SLAMF6: variants seen among roughly 807,000 people sequenced by gnomAD.
SLAMF6 encodes the protein SLAM family member 6.
SLAMF6 carries 21 observed loss-of-function variants against 38.3 expected under a neutral mutation model. The ratio of observed to expected loss-of-function variants is 0.55; its 90% CI spans 0.39 to 0.79. SLAMF6 has a LOEUF of 0.79. SLAMF6 is among the 30% of genes least tolerant of loss of function. The pLI, the probability that SLAMF6 is intolerant of heterozygous loss-of-function variation, is 0.00. For missense variants in SLAMF6, 341 were observed against 385.3 expected (o/e 0.89, Z 0.96); for synonymous variants, 152 against 146.3 (o/e 1.04, Z -0.28).
intron 2 of SLAMF6, among the ~76,000 whole-genome samples, chr1:160,495,481 A>T (rs1557937569): frequency 6.6e-6 from 1 of 152,228 alleles, no homozygotes; most frequent in Non-Finnish European, 1.5e-5. Context: ...AAATATTGTT[A>T]AAAATTAAAT....
chr1:160,493,287 G>T (rs114798235), intron 2 of SLAMF6, among the ~76,000 whole-genome samples: 1 of 151,970 alleles, frequency 6.6e-6, no homozygotes, highest in Non-Finnish European at 1.5e-5. Context: ...AGTTATCTGC[G>T]TGGCACACTT....
chr1:160,523,013 C>A, intron 1 of SLAMF6, 131 bp downstream of exon 1: 1 of 895,108 alleles, frequency 1.1e-6, no homozygotes, highest in Non-Finnish European at 1.8e-6. Context: ...GGTAACACTG[C>A]CAGCGTCCCC....
chr1:160,503,420 T>C (rs551669530), intron 1 of SLAMF6, among the ~76,000 whole-genome samples: 2 of 151,926 alleles, frequency 1.3e-5, no homozygotes, highest in East Asian at 1.9e-4. Flanking sequence ...TTACCTTCAA[T>C]GGGAAAATCC....
At chr1:160,520,126 A>C (rs1654919110) in intron 1 of SLAMF6, among the ~76,000 whole-genome samples, 1 of 152,090 alleles carries the variant, frequency 6.6e-6, no homozygotes, top group African/African-American at 2.4e-5. Flanking sequence ...GAGCACAATA[A>C]ACATTTGAAA....
At chr1:160,493,646 T>C (rs939543298) in intron 2 of SLAMF6, among the ~76,000 whole-genome samples, 4 of 152,214 alleles carry the variant, frequency 2.6e-5, no homozygotes, top group African/African-American at 9.6e-5. Context: ...AAACCTATCA[T>C]GGCTTCAAGA....
At chr1:160,497,547 T>A (rs1324316143) in intron 1 of SLAMF6, among the ~76,000 whole-genome samples, 2 of 152,200 alleles carry the variant, frequency 1.3e-5, no homozygotes, top group Non-Finnish European at 2.9e-5. Context: ...TGGGGGTACA[T>A]GTGCAGATTT....
At chr1:160,511,769 C>G (rs550643184) in intron 1 of SLAMF6, among the ~76,000 whole-genome samples, 2 of 152,054 alleles carry the variant, frequency 1.3e-5, no homozygotes, top group African/African-American at 2.4e-5. Context: ...CTGAGAAGAA[C>G]GAAAACAGTG....
At chr1:160,518,619 C>T (rs1021303749) in intron 1 of SLAMF6, among the ~76,000 whole-genome samples, 2 of 152,076 alleles carry the variant, frequency 1.3e-5, no homozygotes, top group African/African-American at 2.4e-5. Context: ...ATGTCCTTTG[C>T]AGGGACATGG....
At chr1:160,497,949 A>G (rs1322555857) in intron 1 of SLAMF6, among the ~76,000 whole-genome samples, 2 of 152,114 alleles carry the variant, frequency 1.3e-5, no homozygotes, top group Non-Finnish European at 2.9e-5. Context: ...ATACAAGTGC[A>G]TGTGTCTTTT....
intron 1 of SLAMF6, among the ~76,000 whole-genome samples, chr1:160,502,806 G>T (rs1248698288): frequency 6.6e-6 from 1 of 152,138 alleles, no homozygotes; most frequent in African/African-American, 2.4e-5. Context: ...TAGCTCCACA[G>T]GAGGCAAATG....
At chr1:160,496,732 G>A (rs1653602963) in intron 1 of SLAMF6, among the ~76,000 whole-genome samples, 4 of 152,128 alleles carry the variant, frequency 2.6e-5, no homozygotes, top group Admixed American at 2.6e-4. Flanking sequence ...GGTTGAGGGG[G>A]ACAGGAAACT....
At chr1:160,514,141 C>T (rs576977022) in intron 1 of SLAMF6, among the ~76,000 whole-genome samples, 1 of 152,220 alleles carries the variant, frequency 6.6e-6, no homozygotes, top group Non-Finnish European at 1.5e-5. Flanking sequence ...TGCAAACACA[C>T]ACATAGGTTC....
chr1:160,487,255 G>A, intron 6 of SLAMF6, 80 bp from the exon 7 acceptor site: 1 of 1,301,284 alleles, frequency 7.7e-7, no homozygotes, highest in Non-Finnish European at 1.1e-6. Flanking sequence ...GAAAGACTGT[G>A]TGACAAAAAA....
intron 1 of SLAMF6, among the ~76,000 whole-genome samples, chr1:160,502,554 A>G (rs966721807): frequency 3.9e-5 from 6 of 152,214 alleles, no homozygotes; most frequent in Admixed American, 1.3e-4. Context: ...GATTGGAATT[A>G]GAATAGAGAA....
chr1:160,493,962 C>A (rs1011798091), intron 2 of SLAMF6, among the ~76,000 whole-genome samples: 5 of 152,110 alleles, frequency 3.3e-5, no homozygotes, highest in African/African-American at 1.2e-4. Context: ...GATCAAATCA[C>A]CACCCACCAG....
rs544581030 is a variant in SLAMF6 at position 160,486,840 on chromosome 1, A to T, written c.952-86T>A. ...CATAACTACAGAGAGAGGACTGGAG[A>T]CTACAGAGAGGCAGATAATAGAGAT... is the stretch of plus-strand genomic sequence containing the variant. On this transcript the variant is annotated intron_variant, in intron 7 of 7. Coordinates refer to ENST00000368057, the MANE Select transcript of SLAMF6 (RefSeq NM_001184714.2). 17 of 1,463,378 alleles carry T rather than the reference A, an allele frequency of 1.2e-5. No individual in the cohort carries two copies. In the South Asian group the frequency reaches 2.0e-4, roughly 17 times the overall value. The allele number at this position is 1,463,378 out of a possible 1,614,324, so 90.6% of individuals were successfully genotyped here. A position where few individuals can be genotyped will look rare whatever the true frequency, so the allele number is the denominator to read the frequency against.
intron 1 of SLAMF6, among the ~76,000 whole-genome samples, chr1:160,514,371 G>A (rs7533828): frequency 0.74 from 112,314 of 152,132 alleles, 45,157 homozygotes; most frequent in Non-Finnish European, 0.91. Flanking sequence ...TCTTAGAGAC[G>A]TACAAGGAGA....
intron 2 of SLAMF6, among the ~76,000 whole-genome samples, chr1:160,493,984 G>C (rs1290979550): frequency 1.3e-5 from 2 of 152,082 alleles, no homozygotes; most frequent in Non-Finnish European, 2.9e-5. Context: ...TCCCTCCCTT[G>C]ACATGTAGGG....
At chr1:160,495,388 A>G (rs1653522546) in intron 2 of SLAMF6, among the ~76,000 whole-genome samples, 1 of 152,210 alleles carries the variant, frequency 6.6e-6, no homozygotes. Context: ...AGTTTCCATA[A>G]TTTTATGTTG....
Sources: gnomAD v4.1 joint callset for allele counts (sites outside exome capture counted in the v4.1 genomes callset) on GRCh38, gnomAD v4.1.1 for gene constraint, MANE v1.5 for transcripts, NCBI Gene and HGNC (gene_info 2026-07-23, HGNC 2026-07-21) for gene names.